Variants in BCAS1 observed in about 807,000 individuals in gnomAD.
BCAS1 encodes the protein breast carcinoma-amplified sequence 1.
In BCAS1, 46 loss-of-function variants were observed where a neutral mutation model predicts 65.4. That is an observed-to-expected ratio of 0.70 (90% CI 0.55 to 0.90). BCAS1 has a LOEUF of 0.90. Ranked by LOEUF, BCAS1 falls within the 40% of genes least tolerant of loss-of-function variation. The pLI, the probability that BCAS1 is intolerant of heterozygous loss-of-function variation, is 0.00. For synonymous variants in BCAS1, 298 were observed against 293.5 expected (o/e 1.02, Z -0.16); for missense variants, 793 against 771.2 (o/e 1.03, Z -0.33).
At chr20:54,057,711 A>G (rs2092316022) in intron 3 of BCAS1, among the ~76,000 whole-genome samples, 1 of 152,242 alleles carries the variant, frequency 6.6e-6, no homozygotes, top group Admixed American at 6.5e-5. Flanking sequence ...CTAATCCAAC[A>G]TGACTGCTTC....
chr20:54,064,385 C>T (rs1030249113), intron 1 of BCAS1, among the ~76,000 whole-genome samples: 9 of 152,216 alleles, frequency 5.9e-5, no homozygotes, highest in South Asian at 4.1e-4. Flanking sequence ...GATTCTCAGA[C>T]GGAGGAATAG....
chr20:54,013,693 C>G (rs1347838654), intron 4 of BCAS1, among the ~76,000 whole-genome samples: 1 of 152,004 alleles, frequency 6.6e-6, no homozygotes, highest in East Asian at 1.9e-4. Context: ...AGCCAATGGG[C>G]ATTAAATGGG....
At chr20:54,030,611 TACAC>T (rs899374560) in intron 3 of BCAS1, among the ~76,000 whole-genome samples, 1 of 141,714 alleles carries the variant, frequency 7.1e-6, no homozygotes, top group Non-Finnish European at 1.6e-5. Flanking sequence ...CACACACACA[TACAC>T]ACACATGCAT....
rs752964364 is a variant in BCAS1, at chr20:53,975,458, A to G, written c.1276-28T>C. On this transcript the variant is annotated intron_variant, in intron 8 of 12. Transcript: ENST00000688948. ...AAAGGAAGATAAAAACAAAAGTGAGAGTTAAAAGGTTACAGAAAACAAAAT... is the reference window on the plus strand; with the variant it reads ...AAAGGAAGATAAAAACAAAAGTGAGGGTTAAAAGGTTACAGAAAACAAAAT... 1.9e-6 allele frequency: 3 copies of G among 1,605,292 alleles called. No homozygotes were observed. In the South Asian group the frequency reaches 3.3e-5, roughly 18 times the overall value.
intron 3 of BCAS1, among the ~76,000 whole-genome samples, chr20:54,035,998 A>G (rs933240054): frequency 4.6e-5 from 7 of 151,382 alleles, no homozygotes; most frequent in Non-Finnish European, 8.9e-5. Context: ...ATGGGAGCTA[A>G]ATGATGAGAA....
intron 3 of BCAS1, among the ~76,000 whole-genome samples, chr20:54,049,635 G>T (rs1050381644): frequency 6.6e-6 from 1 of 151,646 alleles, no homozygotes; most frequent in Non-Finnish European, 1.5e-5. Context: ...CAAACTCCTG[G>T]ACTCAAGCAA....
intron 8 of BCAS1, among the ~76,000 whole-genome samples, chr20:53,983,293 C>T (rs745467896): frequency 2.6e-5 from 4 of 152,190 alleles, no homozygotes; most frequent in Non-Finnish European, 5.9e-5. Context: ...AGAGGTAACA[C>T]TGTTCAGTGG....
intron 3 of BCAS1, among the ~76,000 whole-genome samples, chr20:54,032,682 C>T (rs1485299930): frequency 6.6e-6 from 1 of 150,954 alleles, no homozygotes; most frequent in African/African-American, 2.4e-5. Context: ...ATCCTAGTTG[C>T]CGTCAAAACA....
intron 4 of BCAS1, among the ~76,000 whole-genome samples, chr20:54,002,179 T>C (rs572142487): frequency 6.6e-6 from 1 of 152,276 alleles, no homozygotes; most frequent in East Asian, 1.9e-4. Flanking sequence ...CCTCTGATGC[T>C]TTGTCTATGA....
chr20:53,988,273 AT>A (rs1032938585), intron 7 of BCAS1, among the ~76,000 whole-genome samples: 6 of 152,124 alleles, frequency 3.9e-5, no homozygotes, highest in African/African-American at 1.4e-4. Flanking sequence ...GAGTGCCAGA[AT>A]TTACCTGGGA....
intron 7 of BCAS1, among the ~76,000 whole-genome samples, chr20:53,987,917 G>A (rs2090656107): frequency 6.6e-6 from 1 of 152,146 alleles, no homozygotes; most frequent in Admixed American, 6.5e-5. Flanking sequence ...GCAAAGAGTG[G>A]CCAAGCGTGG....
chr20:54,018,105 A>G (rs1479710745), intron 4 of BCAS1, among the ~76,000 whole-genome samples: 3 of 152,230 alleles, frequency 2.0e-5, no homozygotes, highest in African/African-American at 7.2e-5. Flanking sequence ...AGAAAAAGTC[A>G]CATGCTATTC....
At chr20:53,960,883 A>T (rs2089858996) in intron 10 of BCAS1, among the ~76,000 whole-genome samples, 1 of 152,236 alleles carries the variant, frequency 6.6e-6, no homozygotes, top group African/African-American at 2.4e-5. Context: ...AAGAGACTAA[A>T]ATTCTTCCAG....
chr20:54,015,049 A>ATT lies in BCAS1; in HGVS notation c.723+13341_723+13342dup, dbSNP rs11480819. 8.9e-3 allele frequency among the ~76,000 whole-genome samples: 1,309 copies of ATT among 146,558 alleles called. 10 individuals carry two copies. The highest frequency in any genetic ancestry group is 0.045 in the South Asian group (210 of 4,618). ...CTCAGAATTTCCTAAGCAGACTATG[A>ATT]TTTTTTTTTTTTTTGAGATGTTGCC... On this transcript the variant is annotated intron_variant, in intron 4 of 12. Transcript: ENST00000688948.
chr20:53,972,758 G>T (rs2090213181), intron 9 of BCAS1, among the ~76,000 whole-genome samples: 1 of 152,196 alleles, frequency 6.6e-6, no homozygotes, highest in Middle Eastern at 3.2e-3. Flanking sequence ...AGGCACTGAA[G>T]TAAGCACGTT....
intron 4 of BCAS1, among the ~76,000 whole-genome samples, chr20:54,016,609 C>T (rs1411744697): frequency 6.6e-6 from 1 of 152,154 alleles, no homozygotes; most frequent in African/African-American, 2.4e-5. Flanking sequence ...TTGCATACTG[C>T]CAAAGCGCCA....
At chr20:54,064,895 G>T (rs1034782418) in intron 1 of BCAS1, among the ~76,000 whole-genome samples, 2 of 114,264 alleles carry the variant, frequency 1.8e-5, no homozygotes, top group Non-Finnish European at 3.5e-5. Context: ...TCTGAGTTAG[G>T]TACTTTTATT....
intron 10 of BCAS1, among the ~76,000 whole-genome samples, chr20:53,960,790 C>T (rs2089855859): frequency 6.6e-6 from 1 of 151,974 alleles, no homozygotes; most frequent in Admixed American, 6.6e-5. Context: ...CAGAATAATT[C>T]ATGTTGAACT....
chr20:54,015,379 A>G (rs1351709793), intron 4 of BCAS1, among the ~76,000 whole-genome samples: 3 of 152,178 alleles, frequency 2.0e-5, no homozygotes, highest in Non-Finnish European at 2.9e-5. Context: ...AAGCCACTGA[A>G]GGAAGGTCAA....
Sources: gnomAD v4.1 joint callset for allele counts (sites outside exome capture counted in the v4.1 genomes callset) on GRCh38, gnomAD v4.1.1 for gene constraint, MANE v1.5 for transcripts, NCBI Gene and HGNC (gene_info 2026-07-23, HGNC 2026-07-21) for gene names.